Variants in GPC5 observed in about 807,000 individuals in gnomAD.
GPC5 encodes glypican 5.
Under a neutral mutation model 53.9 loss-of-function variants are expected in GPC5, and 47 were observed. The observed-to-expected ratio is 0.87, with a 90% CI of 0.69 to 1.11. The LOEUF is 1.11. GPC5 is among the 50% of genes most tolerant of loss of function. The pLI is 0.00. For missense variants in GPC5, 748 were observed against 713.1 expected, an observed-to-expected ratio of 1.05 and a Z score of -0.56; for synonymous variants, 286 against 263.3, an observed-to-expected ratio of 1.09 and a Z score of -0.84.
rs144170631 is a variant in GPC5, at chr13:92,353,625, C to T, written c.1561+208636C>T. On this transcript the variant is annotated intron_variant, in intron 7 of 7. Transcript: ENST00000377067. ...GAGCAAAAGTTATTATTAAAAATTA[C>T]TAAGTAAATAAATATAAAGCAGACT... Among the ~76,000 whole-genome samples, 891 of 152,126 alleles carry T rather than the reference C, an allele frequency of 5.9e-3. 9 individuals carry two copies. Among genetic ancestry groups the T allele is most frequent in the African/African-American group, 0.021 (854 of 41,512 alleles).
At chr13:92,116,034 T>C (rs2041597959) in intron 6 of GPC5, among the ~76,000 whole-genome samples, 1 of 152,106 alleles carries the variant, frequency 6.6e-6, no homozygotes, top group Non-Finnish European at 1.5e-5. Flanking sequence ...GAGAATCCCT[T>C]GAGCCCAGAC....
intron 5 of GPC5, among the ~76,000 whole-genome samples, chr13:91,818,795 A>G (rs1165947318): frequency 2.0e-5 from 3 of 152,210 alleles, no homozygotes; most frequent in Admixed American, 1.3e-4. Flanking sequence ...ATTATAAGAT[A>G]TATAAATACA....
intron 5 of GPC5, among the ~76,000 whole-genome samples, chr13:91,883,138 T>C (rs2039285455): frequency 6.6e-6 from 1 of 152,176 alleles, no homozygotes; most frequent in African/African-American, 2.4e-5. Context: ...AAGGTGCTTC[T>C]TTCTGTCTTA....
intron 7 of GPC5, among the ~76,000 whole-genome samples, chr13:92,243,541 T>C (rs1197955825): frequency 6.6e-6 from 1 of 152,142 alleles, no homozygotes; most frequent in East Asian, 1.9e-4. Context: ...GTTGATATTA[T>C]AGGATTGATG....
intron 5 of GPC5, among the ~76,000 whole-genome samples, chr13:91,795,330 A>C (rs556695817): frequency 6.6e-6 from 1 of 152,206 alleles, no homozygotes; most frequent in South Asian, 2.1e-4. Flanking sequence ...GTGAAATCGC[A>C]TTAAAGGATT....
Position 92,161,956 on chromosome 13 carries a change from CATATATATATATATATATATATATATAT to C in GPC5, c.1561+16980_1561+17007del, listed in dbSNP as rs55867004. Among the ~76,000 whole-genome samples the C allele has an allele frequency of 7.1e-4, 68 of 96,030 alleles. 2 individuals carry two copies. Among genetic ancestry groups the C allele is most frequent in the African/African-American group, 1.9e-3 (48 of 25,414 alleles). 63.0% of individuals were successfully genotyped at this position (96,030 alleles called of 152,430 possible). ...ATTTGCCTATTAAGTAATATATAGC[CATATATATATATATATATATATATATAT>C]ATATATATATATGAAACTAAATGTA... On this transcript the variant is annotated intron_variant, in intron 7 of 7. Transcript: ENST00000377067.
intron 7 of GPC5, among the ~76,000 whole-genome samples, chr13:92,154,705 A>G (rs75443966): frequency 0.043 from 6,552 of 152,262 alleles, 270 homozygotes; most frequent in African/African-American, 0.098. Context: ...GCCATCTGGT[A>G]TACTTAGATG....
intron 5 of GPC5, among the ~76,000 whole-genome samples, chr13:91,868,367 G>A (rs768504815): frequency 3.3e-5 from 5 of 152,170 alleles, no homozygotes; most frequent in Non-Finnish European, 5.9e-5. Context: ...GAGTAATCAT[G>A]TGATAGAAAC....
At chr13:92,295,437 C>T (rs2043027817) in intron 7 of GPC5, among the ~76,000 whole-genome samples, 4 of 152,094 alleles carry the variant, frequency 2.6e-5, no homozygotes, top group African/African-American at 7.2e-5. Context: ...TGTGTCCTAT[C>T]GTAGGTCTAT....
chr13:92,184,378 T>C (rs1057399900), intron 7 of GPC5, among the ~76,000 whole-genome samples: 2 of 152,214 alleles, frequency 1.3e-5, no homozygotes, highest in Admixed American at 1.3e-4. Context: ...ACTAGAGTTC[T>C]TTAGAACTTT....
chr13:91,847,042 ACC>A (rs954349908), intron 5 of GPC5, among the ~76,000 whole-genome samples: 8 of 151,746 alleles, frequency 5.3e-5, no homozygotes, highest in African/African-American at 1.7e-4. Context: ...ACACAGTGAA[ACC>A]CCGTCTCTAC....
At chr13:92,080,130 A>G (rs915292580) in intron 6 of GPC5, among the ~76,000 whole-genome samples, 3 of 152,314 alleles carry the variant, frequency 2.0e-5, no homozygotes, top group African/African-American at 4.8e-5. Flanking sequence ...CTTGGTTTCT[A>G]TGATACAACT....
At chr13:92,434,906 C>T (rs1877240380) in intron 7 of GPC5, among the ~76,000 whole-genome samples, 1 of 152,056 alleles carries the variant, frequency 6.6e-6, no homozygotes, top group South Asian at 2.1e-4. Context: ...AACCATTAAA[C>T]TAATTTGTCC....
chr13:92,169,702 G>A (rs1053857641), intron 7 of GPC5, among the ~76,000 whole-genome samples: 15 of 151,944 alleles, frequency 9.9e-5, no homozygotes, highest in African/African-American at 3.6e-4. Flanking sequence ...TTTCCAGAAG[G>A]TAGTTATAAA....
rs2043080647 is a variant in GPC5 at position 92,302,211 on chromosome 13, T to C, written c.1561+157222T>C. On this transcript the variant is annotated intron_variant, in intron 7 of 7. Transcript: ENST00000377067. ...TTCTGGTTTTTTGCACTTTAATTAA[T>C]ATTATACTTAACAGTGATTTTTTTT... Among the ~76,000 whole-genome samples, 2 of 152,134 alleles carry C rather than the reference T, an allele frequency of 1.3e-5. 1 individual carries two copies. The highest frequency in any genetic ancestry group is 4.1e-4 in the South Asian group (2 of 4,836).
rs532576749 is a variant in GPC5, at chr13:91,789,833, A to G, written c.1280+33413A>G. On this transcript the variant is annotated intron_variant, in intron 5 of 7. Transcript: ENST00000377067. ...TATAGGCTGGGAAGTTTAAGCTTGG[A>G]TAGCTGCATCTGGTAGCTTCTGGTA... Among the ~76,000 whole-genome samples the G allele has an allele frequency of 8.1e-4, 124 of 152,298 alleles. 2 individuals are homozygous for G. The highest frequency in any genetic ancestry group is 2.7e-3 in the African/African-American group (113 of 41,576).
At chr13:92,446,894 A>G (rs992487623) in intron 7 of GPC5, 3 of 152,146 alleles carry the variant, frequency 2.0e-5, no homozygotes, top group African/African-American at 7.2e-5. Flanking sequence ...GATGTTGAGT[A>G]TCTTTTCATA....
chr13:92,655,826 C>G (rs1026261767), intron 7 of GPC5, among the ~76,000 whole-genome samples: 2 of 152,020 alleles, frequency 1.3e-5, no homozygotes, highest in Non-Finnish European at 2.9e-5. Flanking sequence ...TACTTAAACT[C>G]TAAAATGAAA....
At chr13:92,839,820 T>C (rs886977353) in intron 7 of GPC5, among the ~76,000 whole-genome samples, 16 of 151,936 alleles carry the variant, frequency 1.1e-4, no homozygotes, top group African/African-American at 3.9e-4. Context: ...AATGTATTCC[T>C]TTTTACCCAT....
Sources: allele counts gnomAD v4.1 joint callset (sites outside exome capture counted in the v4.1 genomes callset), GRCh38; gene constraint gnomAD v4.1.1; transcripts MANE v1.5; gene names NCBI Gene and HGNC (gene_info 2026-07-23, HGNC 2026-07-21).